The following GBF1 variants were observed in gnomAD, a reference collection of about 807,000 sequenced individuals.
The protein encoded by GBF1 is golgi brefeldin A resistant guanine nucleotide exchange factor 1.
A neutral mutation model predicts 210.5 loss-of-function variants in GBF1; 114 were observed. The observed-to-expected ratio is 0.54, with a 90% CI of 0.47 to 0.63. The LOEUF is 0.63. GBF1 is among the 30% of genes least tolerant of loss of function. The pLI is 0.00. For synonymous variants in GBF1, 850 were observed against 889.2 expected, an observed-to-expected ratio of 0.96 and a Z score of 0.78; for missense variants, 1,851 against 2,357.7, an observed-to-expected ratio of 0.79 and a Z score of 4.45.
chr10:102,282,229 C>T (rs1159825367), intron 3 of GBF1, among the ~76,000 whole-genome samples: 1 of 152,080 alleles, frequency 6.6e-6, no homozygotes, highest in Non-Finnish European at 1.5e-5. Context: ...GCCACCGCGC[C>T]CGGCCGCCTG....
intron 7 of GBF1, among the ~76,000 whole-genome samples, chr10:102,352,790 T>C (rs1261508689): frequency 6.6e-6 from 1 of 152,132 alleles, no homozygotes; most frequent in Non-Finnish European, 1.5e-5. Context: ...TCTGTGCAGG[T>C]AGCAGCTGGG....
At chr10:102,334,116 G>A (rs1436210087) in intron 3 of GBF1, among the ~76,000 whole-genome samples, 2 of 152,200 alleles carry the variant, frequency 1.3e-5, no homozygotes, top group Non-Finnish European at 2.9e-5. Context: ...TAAAGAACAT[G>A]CATGGGAGCA....
rs772107449 is a variant in GBF1 at position 102,260,104 on chromosome 10, A to G, written c.151A>G (p.Asn51Asp). 2.0e-6 allele frequency: 3 copies of G among 1,523,830 alleles called. No homozygotes were observed. The highest frequency in any genetic ancestry group is 4.5e-5 in the East Asian group (2 of 44,394). The allele number at this position is 1,523,830 out of a possible 1,614,324, so 94.4% of individuals were successfully genotyped here. A position where few individuals can be genotyped will look rare whatever the true frequency, so the allele number is the denominator to read the frequency against. The change falls in exon 3 of 40, where the codon AAC (asparagine) becomes GAC (aspartate). Residue 51 changes from asparagine (N) to aspartate (D), a missense_variant. Physicochemically the swap from Asn to Asp is conservative, Grantham distance 23. Coordinates refer to ENST00000369983, the MANE Select transcript of GBF1 (RefSeq NM_001377137.1). ...TTTCGGTCATCTAAAGGAGGTTTTA[A>G]ACAGTATAACAGGTAAGTCTCCATA... The part of the protein sequence containing the change: ...HSFGHLKEVL[N>D]SITELSEIEP...
intron 3 of GBF1, among the ~76,000 whole-genome samples, chr10:102,271,188 C>T (rs1386489611): frequency 1.3e-5 from 2 of 152,114 alleles, no homozygotes; most frequent in Non-Finnish European, 2.9e-5. Flanking sequence ...CAGGCGCCCG[C>T]CACTGCGCCC....
At chr10:102,241,819 G>A (rs192287564), upstream of GBF1, among the ~76,000 whole-genome samples, 6 of 152,360 alleles carry the variant, frequency 3.9e-5, no homozygotes, top group Admixed American at 1.3e-4. The surrounding 1 kb of genome is among the most constrained non-coding windows in gnomAD (Gnocchi z 6.7). Context: ...AGTGGTCCCG[G>A]TAGCCACGGG....
In GBF1 at chr10:102,352,462, A is replaced by T; in HGVS notation, c.528A>T (p.Leu176Phe). The change falls in exon 7 of 40, where the codon TTA becomes TTT. Residue 176 changes from leucine to phenylalanine, a missense_variant. Coordinates refer to ENST00000369983, the MANE Select transcript of GBF1 (RefSeq NM_001377137.1). Reference sequence around the variant, plus strand: ...TATTTGTTTTTGCCTGTGCAGAGTTATTGAGAAAATCCGCAGAGCACACTC... The same window carrying T: ...TATTTGTTTTTGCCTGTGCAGAGTTTTTGAGAAAATCCGCAGAGCACACTC... The part of the protein sequence containing the change: ...RICFEMRLSE[L>F]LRKSAEHTLV... 6.2e-7 allele frequency: 1 copy of T among 1,606,472 alleles called. No homozygotes were observed. Among genetic ancestry groups the T allele is most frequent in the Non-Finnish European group, 8.5e-7 (1 of 1,173,024 alleles).
At chr10:102,367,292 C>A in intron 20 of GBF1, 82 bp downstream of exon 20, 2 of 1,432,160 alleles carry the variant, frequency 1.4e-6, no homozygotes, top group Non-Finnish European at 2.0e-6. Context: ...TTCCAGTGGG[C>A]ATGATGGATG....
In GBF1 at chr10:102,317,885, GTTAT is replaced by G. The variant is rs564837040; in HGVS notation, c.164-26151_164-26148del. Among the ~76,000 whole-genome samples the G allele has an allele frequency of 2.9e-4, 43 of 147,878 alleles. 1 individual carries two copies. The highest frequency in any genetic ancestry group is 8.8e-4 in the African/African-American group (36 of 40,808). On this transcript the variant is annotated intron_variant, in intron 3 of 39. Transcript: ENST00000369983. ...TTTATTTAAGAGCTTCCTGTTGTTG[GTTAT>G]TTATTTATTTATTTTTATTTATTTA...
chr10:102,268,236 C>G (rs1565035608), intron 3 of GBF1, among the ~76,000 whole-genome samples: 1 of 152,196 alleles, frequency 6.6e-6, no homozygotes, highest in African/African-American at 2.4e-5. Context: ...CTCATGGGTT[C>G]AGCTCTCTCT....
At chr10:102,312,147 T>A (rs755168875) in intron 3 of GBF1, among the ~76,000 whole-genome samples, 2 of 152,006 alleles carry the variant, frequency 1.3e-5, no homozygotes, top group Non-Finnish European at 2.9e-5. Flanking sequence ...CAAAATTAGC[T>A]GGGCGTGGTG....
chr10:102,340,606 A>C (rs1015009151), intron 3 of GBF1, among the ~76,000 whole-genome samples: 2 of 151,390 alleles, frequency 1.3e-5, no homozygotes, highest in Non-Finnish European at 2.9e-5. Context: ...AGATGATCTC[A>C]CTATGTTGCC....
intron 8 of GBF1, among the ~76,000 whole-genome samples, chr10:102,354,621 C>T (rs2059187902): frequency 6.6e-6 from 1 of 152,186 alleles, no homozygotes; most frequent in Admixed American, 6.5e-5. Flanking sequence ...GTGATTGTAG[C>T]TTTGCAGTGT....
chr10:102,363,639 C>A lies in GBF1; in HGVS notation c.2018-71C>A. ...TTGAAACTGGGGAGTATATTGGTGA[C>A]CTTCCAAAAGTCCTTATCTGGGTAA... On this transcript the variant is annotated intron_variant, in intron 16 of 39. Coordinates refer to ENST00000369983, the MANE Select transcript of GBF1 (RefSeq NM_001377137.1). This position sits in a 1 kb window ranked among gnomAD's most constrained non-coding sequence, Gnocchi z 4.2. 1 of 1,023,822 alleles carries A rather than the reference C, an allele frequency of 9.8e-7. No individual in the cohort carries two copies. Among genetic ancestry groups the A allele is most frequent in the Non-Finnish European group, 1.5e-6 (1 of 647,578 alleles). The allele number at this position is 1,023,822 out of a possible 1,614,324, so 63.4% of individuals were successfully genotyped here.
intron 3 of GBF1, among the ~76,000 whole-genome samples, chr10:102,293,784 T>TG (rs2076672248): frequency 9.3e-6 from 1 of 108,040 alleles, no homozygotes; most frequent in East Asian, 2.5e-4. Context: ...TTTTTTTTTT[T>TG]TTTTTTTTTT....
Position 102,382,115 on chromosome 10 carries a change from G to A in GBF1, c.5362G>A (p.Ala1788Thr), listed in dbSNP as rs746010745. 12 of 1,599,800 alleles carry A rather than the reference G, an allele frequency of 7.5e-6. No homozygotes were observed. In the South Asian group the frequency reaches 1.2e-4, roughly 16 times the overall value. The stretch of plus-strand genomic sequence containing the variant: ...CAGCAGCTCCCCAGGATCACCAGTG[G>A]CCTCAAGCCCCAGCAGGCTGAGCCC... ...ASSSSPGSPV[A>T]SSPSRLSPTP... Residue 1788 changes from alanine to threonine, a missense_variant, in exon 40 of 40, where the codon GCC becomes ACC. Ala to Thr is a moderately conservative substitution (Grantham distance 58). Transcript: ENST00000369983.
chr10:102,351,800 C>G (rs750629867), intron 5 of GBF1, 43 bp from the exon 6 acceptor site: 1 of 1,140,962 alleles, frequency 8.8e-7, no homozygotes, highest in Non-Finnish European at 1.3e-6. Flanking sequence ...GAGTACCTCT[C>G]AGTACCTTGT....
Position 102,361,107 on chromosome 10 carries a change from A to G in GBF1, c.1478A>G (p.Lys493Arg), listed in dbSNP as rs773640243. 1.3e-6 allele frequency: 2 copies of G among 1,573,292 alleles called. No individual in the cohort carries two copies. The highest frequency in any genetic ancestry group is 8.8e-7 in the Non-Finnish European group (1 of 1,142,658). ...TTTGAGAGCATGCGAGAGCACCTCA[A>G]GTTCCAAATGGAGGTGAGTTTCTTG... ...LLFESMREHL[K>R]FQMEMYIKKL... Residue 493 changes from lysine (K) to arginine (R), a missense_variant, in exon 13 of 40, where the codon AAG becomes AGG. Coordinates refer to ENST00000369983, the MANE Select transcript of GBF1 (RefSeq NM_001377137.1).
Position 102,268,945 on chromosome 10 carries a change from T to C in GBF1, c.163+8829T>C, listed in dbSNP as rs573186871. ...AGATCACTTCATTAAGAAAGGGTAA[T>C]AGATGGAGAGCAATGACTACTTTAG... On this transcript the variant is annotated intron_variant, in intron 3 of 39. Coordinates refer to ENST00000369983, the MANE Select transcript of GBF1 (RefSeq NM_001377137.1). Among the ~76,000 whole-genome samples, 56 of 152,294 alleles carry C rather than the reference T, an allele frequency of 3.7e-4. No individual in the cohort carries two copies. The South Asian group carries it at 0.011, about 30-fold the overall frequency.
At chr10:102,315,234 G>A (rs1395728787) in intron 3 of GBF1, among the ~76,000 whole-genome samples, 1 of 152,058 alleles carries the variant, frequency 6.6e-6, no homozygotes, top group Admixed American at 6.6e-5. Flanking sequence ...TACTTCAGGG[G>A]GTCCCCAACC....
Sources: allele counts gnomAD v4.1 joint callset (sites outside exome capture counted in the v4.1 genomes callset), GRCh38; gene constraint gnomAD v4.1.1; non-coding constraint Gnocchi (gnomAD v3.1); transcripts MANE v1.5; gene names NCBI Gene and HGNC (gene_info 2026-07-23, HGNC 2026-07-21).